SFTPB: variants seen among roughly 807,000 people sequenced by gnomAD.
SFTPB encodes the protein surfactant protein B, also known as pulmonary surfactant-associated protein B.
In SFTPB, 32 loss-of-function variants were observed where a neutral mutation model predicts 51.0. The ratio of observed to expected loss-of-function variants is 0.63; its 90% CI spans 0.47 to 0.84. SFTPB has a LOEUF of 0.84. SFTPB is among the 40% of genes least tolerant of loss of function. The pLI is 0.00. For missense variants in SFTPB, 431 were observed against 491.2 expected, an observed-to-expected ratio of 0.88 and a Z score of 1.16; for synonymous variants, 211 against 208.5, an observed-to-expected ratio of 1.01 and a Z score of -0.10.
Position 85,665,593 on chromosome 2 carries a change from G to C in SFTPB, c.582+13C>G, listed in dbSNP as rs767972982. The C allele has an allele frequency of 6.2e-7, 1 of 1,612,906 alleles. No individual in the cohort carries two copies. Among genetic ancestry groups the C allele is most frequent in the East Asian group, 2.2e-5 (1 of 44,864 alleles). ...TGGATCTCCACTTTACTGGCTGTGG[G>C]GGCCTCCCTCACCTGTGTGTGAGGC... On this transcript the variant is annotated intron_variant, in intron 5 of 10. Coordinates refer to ENST00000519937, the MANE Select transcript of SFTPB (RefSeq NM_000542.5).
In SFTPB at chr2:85,665,612, G is replaced by A. The variant is rs45601634; in HGVS notation, c.576C>T (p.His192=). The part of the protein sequence containing the change: ...PGALQARPGP[H]TQDLSEQQFP... ...CTGTGGGGGCCTCCCTCACCTGTGT[G>A]TGAGGCCCAGGCCTCGCCTGGAGGG... Residue 192 remains histidine (H), a synonymous_variant, in exon 5 of 11, where the codon CAC becomes CAT. Coordinates refer to ENST00000519937, the MANE Select transcript of SFTPB (RefSeq NM_000542.5). 179 of 1,613,638 alleles carry A rather than the reference G, an allele frequency of 1.1e-4. No individual in the cohort carries two copies. In the African/African-American group the frequency reaches 2.3e-3, roughly 21 times the overall value.
chr2:85,665,871 A>G, intron 4 of SFTPB, 77 bp from the exon 5 acceptor site: 3 of 1,395,556 alleles, frequency 2.1e-6, no homozygotes, highest in Non-Finnish European at 1.0e-6. Context: ...CCAAGGGCTC[A>G]GGGACCACTG....
At chr2:85,666,829 C>A (rs1677674152) in intron 3 of SFTPB, 87 bp from the exon 4 acceptor site, 1 of 1,563,274 alleles carries the variant, frequency 6.4e-7, no homozygotes, top group East Asian at 2.2e-5. Flanking sequence ...CCAGGGCAGA[C>A]TGACCCCTAA....
chr2:85,665,857 C>G, intron 4 of SFTPB, 63 bp from the exon 5 acceptor site: 1 of 1,528,986 alleles, frequency 6.5e-7, no homozygotes. Flanking sequence ...CTATTCAGGC[C>G]GGCCCAAGGG....
In SFTPB at chr2:85,667,710, C is replaced by T. The variant is rs779741450; in HGVS notation, c.164G>A (p.Cys55Tyr). 1.2e-6 allele frequency: 2 copies of T among 1,614,252 alleles called. No individual in the cohort carries two copies. Among genetic ancestry groups the T allele is most frequent in the South Asian group, 1.1e-5 (1 of 91,090 alleles). Residue 55 changes from cysteine to tyrosine, a missense_variant, in exon 2 of 11, where the codon TGC becomes TAC. Coordinates refer to ENST00000519937, the MANE Select transcript of SFTPB (RefSeq NM_000542.5). ...CACATGTCCCCAGACTTCCTGTAGGCAATGCCCTAGGGCTCTGCACTGCAA... is the reference window on the plus strand; with the variant it reads ...CACATGTCCCCAGACTTCCTGTAGGTAATGCCCTAGGGCTCTGCACTGCAA... ...QALQCRALGHCLQEVWGHVGA... is the reference protein window; with the variant it reads ...QALQCRALGHYLQEVWGHVGA...
Position 85,666,720 on chromosome 2 carries a change from T to C in SFTPB, c.290A>G (p.Glu97Gly), listed in dbSNP as rs755008142. 1.9e-6 allele frequency: 3 copies of C among 1,613,814 alleles called. No individual in the cohort carries two copies. The highest frequency in any genetic ancestry group is 1.7e-6 in the Non-Finnish European group (2 of 1,179,864). The change falls in exon 4 of 11, where the codon GAG (glutamate) becomes GGG (glycine). Residue 97 changes from glutamate (E) to glycine (G), a missense_variant. Coordinates refer to ENST00000519937, the MANE Select transcript of SFTPB (RefSeq NM_000542.5). ...IFQDTMRKFL[E>G]QECNVLPLKL... The stretch of plus-strand genomic sequence containing the variant: ...CAAGGGGAGGACGTTGCACTCCTGC[T>C]CCAGGAACTTCCTCATCGTGTCCTG...
rs34682912 is a variant in SFTPB at position 85,666,719 on chromosome 2, C to T, written c.291G>A (p.Glu97=). The T allele has an allele frequency of 3.0e-3, 4,762 of 1,613,860 alleles. 38 individuals carry two copies. The highest frequency in any genetic ancestry group is 0.028 in the Middle Eastern group (172 of 6,060). ...TCAAGGGGAGGACGTTGCACTCCTGCTCCAGGAACTTCCTCATCGTGTCCT... is the reference window on the plus strand; with the variant it reads ...TCAAGGGGAGGACGTTGCACTCCTGTTCCAGGAACTTCCTCATCGTGTCCT... The part of the protein sequence containing the change: ...IFQDTMRKFL[E]QECNVLPLKL... The change falls in exon 4 of 11, where the codon GAG becomes GAA. Residue 97 remains glutamate, a synonymous_variant. Coordinates refer to ENST00000519937, the MANE Select transcript of SFTPB (RefSeq NM_000542.5).
upstream of SFTPB, chr2:85,668,215 T>G (rs2077079): frequency 0.39 from 604,513 of 1,548,004 alleles, 119,398 homozygotes; most frequent in East Asian, 0.51. Flanking sequence ...CCCTGCTTGG[T>G]GCATGGCCCC....
At chr2:85,663,982 A>C in intron 6 of SFTPB, 135 bp from the exon 7 acceptor site, 4 of 818,830 alleles carry the variant, frequency 4.9e-6, no homozygotes, top group Non-Finnish European at 7.7e-6. Flanking sequence ...CTATTCACAA[A>C]TAAGGACACT....
At position 85,657,980 on chromosome 2, in the gene SFTPB, G is replaced by A. The variant is rs1677128712; in HGVS notation, c.*1722C>T. 1 of 152,196 alleles carries A rather than the reference G, an allele frequency of 6.6e-6. No individual in the cohort carries two copies. The highest frequency in any genetic ancestry group is 2.1e-4 in the South Asian group (1 of 4,832). 9.4% of individuals were successfully genotyped at this position (152,196 alleles called of 1,614,324 possible). A position where few individuals can be genotyped will look rare whatever the true frequency, so the allele number is the denominator to read the frequency against. On this transcript the variant is annotated 3_prime_UTR_variant, in exon 11 of 11. Coordinates refer to ENST00000519937, the MANE Select transcript of SFTPB (RefSeq NM_000542.5). Reference sequence around the variant, plus strand: ...GTATTGTCACAAGGTCAATTGATCAGTTAGGGTGGGGCAGGAACAAATCAC... The same window carrying A: ...GTATTGTCACAAGGTCAATTGATCAATTAGGGTGGGGCAGGAACAAATCAC...
At chr2:85,661,063 A>G (rs1677267924) in intron 10 of SFTPB, among the ~76,000 whole-genome samples, 1 of 152,160 alleles carries the variant, frequency 6.6e-6, no homozygotes, top group Non-Finnish European at 1.5e-5. Flanking sequence ...GAGGGGATAC[A>G]GCTTCGGGTA....
chr2:85,667,640 T>C (rs1478552425), intron 2 of SFTPB, 39 bp downstream of exon 2: 1 of 1,614,064 alleles, frequency 6.2e-7, no homozygotes, highest in African/African-American at 1.3e-5. Context: ...ACCCTTCATT[T>C]CAGACCCCCA....
chr2:85,664,658 C>T (rs1050740634), intron 6 of SFTPB, among the ~76,000 whole-genome samples: 10 of 152,306 alleles, frequency 6.6e-5, no homozygotes, highest in East Asian at 3.9e-4. Context: ...GACGGGGTTT[C>T]GCCATGTTGC....
intron 7 of SFTPB, 50 bp downstream of exon 7, chr2:85,663,614 G>A (rs755788180): frequency 6.3e-7 from 1 of 1,592,272 alleles, no homozygotes; most frequent in South Asian, 1.1e-5. Context: ...TGGCAGGGTA[G>A]GGGGAGGAGG....
chr2:85,662,533 A>G (rs1677360957), intron 8 of SFTPB, among the ~76,000 whole-genome samples: 1 of 152,124 alleles, frequency 6.6e-6, no homozygotes, highest in Middle Eastern at 3.2e-3. Flanking sequence ...TCAGGACAGG[A>G]TCTCGCTTTA....
upstream of SFTPB, chr2:85,668,257 G>T: frequency 7.1e-7 from 1 of 1,401,260 alleles, no homozygotes; most frequent in South Asian, 1.2e-5. Flanking sequence ...GGGCTCTGTA[G>T]GAGTGGCAGC....
At position 85,663,773 on chromosome 2, in the gene SFTPB, C is replaced by T. The variant is rs773578596; in HGVS notation, c.747G>A (p.Leu249=). ...GCAGGATGACGGAGTAGCGCTCAGCCAGGCACTGGCAGATGCCGCCCGCCA... is the reference window on the plus strand; with the variant it reads ...GCAGGATGACGGAGTAGCGCTCAGCTAGGCACTGGCAGATGCCGCCCGCCA... ...PLVAGGICQC[L]AERYSVILLD... is the part of the protein sequence containing the mutation. The change falls in exon 7 of 11, where the codon CTG becomes CTA. Residue 249 remains leucine (L), a synonymous_variant. Transcript: ENST00000519937. 6.2e-7 allele frequency: 1 copy of T among 1,605,828 alleles called. No homozygotes were observed. The highest frequency in any genetic ancestry group is 1.1e-5 in the South Asian group (1 of 89,890).
intron 3 of SFTPB, 38 bp from the exon 4 acceptor site, chr2:85,666,780 G>A (rs1178215427): frequency 3.1e-6 from 5 of 1,612,982 alleles, no homozygotes; most frequent in Non-Finnish European, 4.2e-6. Flanking sequence ...GGGCCTCTCT[G>A]AGGTCTACCC....
At chr2:85,668,388 T>C (rs892461948), upstream of SFTPB, 9 of 613,460 alleles carry the variant, frequency 1.5e-5, no homozygotes, top group Non-Finnish European at 2.4e-5. Flanking sequence ...TCCTGCCTCC[T>C]TTGCCCCCTG....
Sources: allele counts gnomAD v4.1 joint callset (sites outside exome capture counted in the v4.1 genomes callset), GRCh38; gene constraint gnomAD v4.1.1; transcripts MANE v1.5; gene names NCBI Gene and HGNC (gene_info 2026-07-23, HGNC 2026-07-21).